Variants in PRKN observed in about 807,000 individuals in gnomAD.
PRKN encodes parkin RBR E3 ubiquitin protein ligase.
A neutral mutation model predicts 59.5 loss-of-function variants in PRKN; 56 were observed. That is an observed-to-expected ratio of 0.94 (90% CI 0.76 to 1.18). The LOEUF (loss-of-function observed/expected upper bound fraction) is 1.18, where lower values mean the gene tolerates loss of function less well. PRKN is among the 50% of genes most tolerant of loss of function. PRKN has a pLI of 0.00. For missense variants in PRKN, 657 were observed against 596.4 expected (o/e 1.10, Z -1.06); for synonymous variants, 250 against 222.1 (o/e 1.13, Z -1.12).
At chr6:162,431,864 A>C (rs1452107634) in intron 2 of PRKN, among the ~76,000 whole-genome samples, 1 of 152,234 alleles carries the variant, frequency 6.6e-6, no homozygotes, top group Non-Finnish European at 1.5e-5. Flanking sequence ...TATGTTTTCT[A>C]ATCAGTCCAA....
intron 7 of PRKN, among the ~76,000 whole-genome samples, chr6:161,777,519 C>T (rs1159733569): frequency 1.3e-5 from 2 of 151,544 alleles, no homozygotes; most frequent in African/African-American, 4.8e-5. Flanking sequence ...CATCTTATTA[C>T]ACACATCTTG....
intron 4 of PRKN, among the ~76,000 whole-genome samples, chr6:162,130,501 A>G (rs1364494672): frequency 1.3e-5 from 2 of 152,178 alleles, no homozygotes; most frequent in African/African-American, 2.4e-5. Flanking sequence ...TGCCAGTAAA[A>G]TATGGCCAGG....
intron 2 of PRKN, among the ~76,000 whole-genome samples, chr6:162,310,886 A>G (rs1381212495): frequency 2.0e-5 from 3 of 152,118 alleles, no homozygotes; most frequent in African/African-American, 7.2e-5. Context: ...TGAAACAACC[A>G]CAGCAAATAC....
rs529591076 is a variant in PRKN at position 162,042,530 on chromosome 6, A to T, written c.618+11561T>A. On this transcript the variant is annotated intron_variant, in intron 5 of 11. Coordinates refer to ENST00000366898, the MANE Select transcript of PRKN (RefSeq NM_004562.3). ...TCTCAAACTCCTGGGCTCAAACAAT[A>T]CTACTGCCTTGGCCTCCCAAAATGG... Among the ~76,000 whole-genome samples, 287 of 152,136 alleles carry T rather than the reference A, an allele frequency of 1.9e-3. 2 individuals carry two copies. The highest frequency in any genetic ancestry group is 6.8e-3 in the African/African-American group (283 of 41,500).
chr6:162,708,334 C>T (rs1245225211), intron 1 of PRKN, among the ~76,000 whole-genome samples: 2 of 152,018 alleles, frequency 1.3e-5, no homozygotes, highest in Non-Finnish European at 2.9e-5. Flanking sequence ...TGTGAATAAA[C>T]GGAGATGAGT....
At chr6:162,506,297 A>T (rs1057379746) in intron 1 of PRKN, among the ~76,000 whole-genome samples, 43 of 151,780 alleles carry the variant, frequency 2.8e-4, no homozygotes, top group Non-Finnish European at 5.9e-4. Context: ...AGGTAGGAAG[A>T]AAAAAGGAAG....
intron 7 of PRKN, among the ~76,000 whole-genome samples, chr6:161,741,277 C>A (rs1788171007): frequency 6.6e-6 from 1 of 152,116 alleles, no homozygotes; most frequent in Non-Finnish European, 1.5e-5. Flanking sequence ...AGTGGTCATG[C>A]CATCTAATAG....
Position 161,483,376 on chromosome 6 carries a change from G to T in PRKN, c.1083+65478C>A, listed in dbSNP as rs1791507441. On this transcript the variant is annotated intron_variant, in intron 9 of 11. Transcript: ENST00000366898. The surrounding 1 kb of genome is among the most constrained non-coding windows in gnomAD (Gnocchi z 5.0). ...TGTCGGCTTCCCCCTGAAAATCCAT[G>T]ATAAAGATTGAGCGTGGTTGAAAGG... Among the ~76,000 whole-genome samples, 1 of 152,152 alleles carries T rather than the reference G, an allele frequency of 6.6e-6. No individual in the cohort carries two copies. The highest frequency in any genetic ancestry group is 2.4e-5 in the African/African-American group (1 of 41,442).
At chr6:162,482,001 A>G (rs1378287289) in intron 1 of PRKN, among the ~76,000 whole-genome samples, 3 of 152,242 alleles carry the variant, frequency 2.0e-5, no homozygotes, top group East Asian at 3.9e-4. Flanking sequence ...GTGGACTCCT[A>G]TTTGCTTTTG....
chr6:161,664,014 T>C (rs896840643), intron 7 of PRKN, among the ~76,000 whole-genome samples: 6 of 152,194 alleles, frequency 3.9e-5, no homozygotes, highest in Admixed American at 1.3e-4. Flanking sequence ...GGGGCCCGCT[T>C]CCACACTGAT....
At chr6:161,539,171 C>T (rs1171319038) in intron 9 of PRKN, among the ~76,000 whole-genome samples, 2 of 152,168 alleles carry the variant, frequency 1.3e-5, no homozygotes, top group African/African-American at 2.4e-5. Context: ...TTTCCTATAA[C>T]GTAAGAACTA....
intron 9 of PRKN, among the ~76,000 whole-genome samples, chr6:161,540,585 G>C (rs913444724): frequency 6.6e-6 from 1 of 152,036 alleles, no homozygotes; most frequent in African/African-American, 2.4e-5. Flanking sequence ...TCTGATTTTT[G>C]GGTATCACTT....
intron 1 of PRKN, among the ~76,000 whole-genome samples, chr6:162,445,758 G>T (rs553014482): frequency 4.5e-5 from 2 of 44,922 alleles, no homozygotes; most frequent in Non-Finnish European, 9.3e-5. Context: ...TGATTAAAAA[G>T]ATAACAATAA....
At chr6:162,511,639 T>C (rs1777623386) in intron 1 of PRKN, among the ~76,000 whole-genome samples, 1 of 152,124 alleles carries the variant, frequency 6.6e-6, no homozygotes. Flanking sequence ...ACTAAAGAGA[T>C]CATACTAATA....
intron 7 of PRKN, among the ~76,000 whole-genome samples, chr6:161,713,225 G>A (rs150817592): frequency 6.6e-6 from 1 of 152,292 alleles, no homozygotes; most frequent in Non-Finnish European, 1.5e-5. Context: ...GGTGAGGTGG[G>A]GGGATGCAGC....
chr6:162,611,984 G>A (rs918852139), intron 1 of PRKN, among the ~76,000 whole-genome samples: 1 of 151,334 alleles, frequency 6.6e-6, no homozygotes, highest in Middle Eastern at 3.4e-3. Context: ...AGGAGATCGA[G>A]ACCATCCTGG....
At chr6:161,920,271 C>T (rs1392189873) in intron 6 of PRKN, among the ~76,000 whole-genome samples, 1 of 151,982 alleles carries the variant, frequency 6.6e-6, no homozygotes, top group Non-Finnish European at 1.5e-5. Context: ...GTAATCCCAC[C>T]TACTTGGGAG....
At chr6:162,048,948 T>C (rs1411455556) in intron 5 of PRKN, among the ~76,000 whole-genome samples, 1 of 152,128 alleles carries the variant, frequency 6.6e-6, no homozygotes, top group Non-Finnish European at 1.5e-5. Flanking sequence ...TCATCCCCTT[T>C]TTAATCTCAA....
At chr6:161,966,915 T>A (rs1484950232) in intron 6 of PRKN, among the ~76,000 whole-genome samples, 1 of 152,228 alleles carries the variant, frequency 6.6e-6, no homozygotes, top group African/African-American at 2.4e-5. Context: ...CACCACAACC[T>A]CTGCCTCCTG....
Sources: allele counts gnomAD v4.1 joint callset (sites outside exome capture counted in the v4.1 genomes callset), GRCh38; gene constraint gnomAD v4.1.1; non-coding constraint Gnocchi (gnomAD v3.1); transcripts MANE v1.5; gene names NCBI Gene and HGNC (gene_info 2026-07-23, HGNC 2026-07-21).